Variants in ASTN2 observed in about 807,000 individuals in gnomAD.
The protein encoded by ASTN2 is astrotactin 2, also known as astrotactin-2.
A neutral mutation model predicts 139.8 loss-of-function variants in ASTN2; 54 were observed. That is an observed-to-expected ratio of 0.39 (90% CI 0.31 to 0.48). ASTN2 has a LOEUF of 0.48. Among genes scored for constraint, ASTN2 ranks in the 20% least tolerant of loss-of-function variants. The pLI, the probability that ASTN2 is intolerant of heterozygous loss-of-function variation, is 0.95. For missense variants in ASTN2, 1,565 were observed against 1,725.1 expected, an observed-to-expected ratio of 0.91 and a Z score of 1.64; for synonymous variants, 756 against 719.5, an observed-to-expected ratio of 1.05 and a Z score of -0.81.
chr9:116,779,390 C>A (rs4837854), intron 13 of ASTN2, among the ~76,000 whole-genome samples: 124,596 of 152,088 alleles, frequency 0.82, 51,997 homozygotes, highest in Non-Finnish European at 0.91. Context: ...GAAAAGAGAC[C>A]AAGCCCCTCA....
intron 1 of ASTN2, among the ~76,000 whole-genome samples, chr9:117,406,949 T>C (rs1477010227): frequency 6.6e-6 from 1 of 151,936 alleles, no homozygotes; most frequent in Non-Finnish European, 1.5e-5. Flanking sequence ...TGTCTTTTGT[T>C]CTCTGATGTA....
chr9:116,870,912 C>G (rs1833146270), intron 10 of ASTN2, among the ~76,000 whole-genome samples: 1 of 152,188 alleles, frequency 6.6e-6, no homozygotes, highest in African/African-American at 2.4e-5. Flanking sequence ...TAGCCGACAA[C>G]CTTGTTTCCT....
intron 1 of ASTN2, among the ~76,000 whole-genome samples, chr9:117,330,655 G>C (rs1194067817): frequency 6.6e-6 from 1 of 152,140 alleles, no homozygotes; most frequent in African/African-American, 2.4e-5. Flanking sequence ...TGGAGAGAGA[G>C]AATGTAGCAG....
intron 1 of ASTN2, among the ~76,000 whole-genome samples, chr9:117,369,665 T>C (rs1427979269): frequency 2.0e-5 from 3 of 152,144 alleles, no homozygotes; most frequent in Non-Finnish European, 2.9e-5. Flanking sequence ...AGTCATAATC[T>C]CACTACCAAG....
At chr9:116,808,009 G>A (rs1831071329) in intron 12 of ASTN2, among the ~76,000 whole-genome samples, 1 of 151,820 alleles carries the variant, frequency 6.6e-6, no homozygotes, top group South Asian at 2.1e-4. Flanking sequence ...AGCTACTCAG[G>A]AGGCGGAGGC....
rs1831265428 is a variant in ASTN2 at position 117,414,417 on chromosome 9, C to T, written c.442+80G>A. The T allele has an allele frequency of 6.4e-7, 1 of 1,569,868 alleles. No homozygotes were observed. Among genetic ancestry groups the T allele is most frequent in the Admixed American group, 1.8e-5 (1 of 56,896 alleles). On this transcript the variant is annotated intron_variant, in intron 1 of 22. Coordinates refer to ENST00000313400, the MANE Select transcript of ASTN2 (RefSeq NM_001365068.1). The surrounding 1 kb of genome is among the most constrained non-coding windows in gnomAD (Gnocchi z 4.2). ...CGGGGCAGCCCCGGGCAGGGATCCC[C>T]AGGGCGCCCCCACCCGTCCGGCATG...
chr9:117,387,066 G>T (rs1301371924), intron 1 of ASTN2, among the ~76,000 whole-genome samples: 1 of 152,090 alleles, frequency 6.6e-6, no homozygotes, highest in Non-Finnish European at 1.5e-5. Context: ...GTTGGCTGTG[G>T]ATTAAACAGG....
intron 2 of ASTN2, among the ~76,000 whole-genome samples, chr9:117,252,310 G>A (rs996423432): frequency 6.6e-6 from 1 of 152,192 alleles, no homozygotes; most frequent in African/African-American, 2.4e-5. Flanking sequence ...AAACTAAAAG[G>A]TGGTGGTTTC....
In ASTN2 at chr9:116,686,761, C is replaced by G. The variant is rs149833926; in HGVS notation, c.2807-34968G>C. 9 of 1,550,516 alleles carry G rather than the reference C, an allele frequency of 5.8e-6. No individual in the cohort carries two copies. The African/African-American group carries it at 9.6e-5, about 17-fold the overall frequency. ...CAAGTCTGCCTCTGCTGTCGGCCTC[C>G]CAGCTGAGTAGGCAAAACATTCCTT... On this transcript the variant is annotated intron_variant, in intron 16 of 22. Coordinates refer to ENST00000313400, the MANE Select transcript of ASTN2 (RefSeq NM_001365068.1).
chr9:116,621,346 C>G (rs1302131790), intron 17 of ASTN2, among the ~76,000 whole-genome samples: 1 of 151,928 alleles, frequency 6.6e-6, no homozygotes, highest in Non-Finnish European at 1.5e-5. Flanking sequence ...AGTTTTCTGA[C>G]CTTTGCTCTA....
intron 17 of ASTN2, among the ~76,000 whole-genome samples, chr9:116,645,508 T>C (rs1449813395): frequency 6.6e-6 from 1 of 152,044 alleles, no homozygotes; most frequent in Non-Finnish European, 1.5e-5. Context: ...GGTCCAATGG[T>C]CCCCAAGGCC....
intron 1 of ASTN2, among the ~76,000 whole-genome samples, chr9:117,367,132 C>A (rs1306028699): frequency 6.6e-6 from 1 of 152,142 alleles, no homozygotes; most frequent in Non-Finnish European, 1.5e-5. Flanking sequence ...AGAATAGAGG[C>A]TGTCTTACAT....
chr9:116,880,673 T>C (rs1047213045), intron 10 of ASTN2, among the ~76,000 whole-genome samples: 1 of 152,162 alleles, frequency 6.6e-6, no homozygotes, highest in African/African-American at 2.4e-5. Context: ...TGTGCAAATA[T>C]GCAAATACTG....
At chr9:117,393,650 G>C (rs1830601990) in intron 1 of ASTN2, among the ~76,000 whole-genome samples, 1 of 152,138 alleles carries the variant, frequency 6.6e-6, no homozygotes, top group Non-Finnish European at 1.5e-5. Flanking sequence ...ATGAAAGAAA[G>C]CTCAAACCTG....
At chr9:116,601,655 G>T (rs1241054729) in intron 19 of ASTN2, among the ~76,000 whole-genome samples, 2 of 152,150 alleles carry the variant, frequency 1.3e-5, no homozygotes, top group Admixed American at 6.5e-5. Context: ...AAAGATAACT[G>T]CTTTAAGAAA....
rs1564345706 is a variant in ASTN2 at position 116,530,121 on chromosome 9, AT to A, written c.3356-42622del. On this transcript the variant is annotated intron_variant, in intron 19 of 22. Transcript: ENST00000313400. Reference sequence around the variant, plus strand: ...TATATATATATATATATATATATATATATATATATATATATATATATATATA... The same window carrying A: ...TATATATATATATATATATATATATAATATATATATATATATATATATATA... Among the ~76,000 whole-genome samples, 52 of 46,368 alleles carry A rather than the reference AT, an allele frequency of 1.1e-3. 3 individuals carry two copies. Among genetic ancestry groups the A allele is most frequent in the African/African-American group, 4.9e-3 (50 of 10,184 alleles). 30.4% of individuals were successfully genotyped at this position (46,368 alleles called of 152,430 possible). A position where few individuals can be genotyped will look rare whatever the true frequency, so the allele number is the denominator to read the frequency against.
chr9:117,354,400 G>T (rs1829478605), intron 1 of ASTN2, among the ~76,000 whole-genome samples: 1 of 152,082 alleles, frequency 6.6e-6, no homozygotes, highest in Non-Finnish European at 1.5e-5. Flanking sequence ...CAGGGGCTTT[G>T]CATATGCTAG....
intron 13 of ASTN2, among the ~76,000 whole-genome samples, chr9:116,771,912 G>A (rs1470026084): frequency 6.6e-6 from 1 of 152,166 alleles, no homozygotes; most frequent in Non-Finnish European, 1.5e-5. Context: ...GGAGGGATGA[G>A]GACTCTACAT....
intron 11 of ASTN2, among the ~76,000 whole-genome samples, chr9:116,840,132 C>T (rs1381207733): frequency 6.7e-6 from 1 of 148,266 alleles, no homozygotes; most frequent in African/African-American, 2.5e-5. Flanking sequence ...TCTTGCACCG[C>T]CCTTAATCCA....
Sources: allele counts gnomAD v4.1 joint callset (sites outside exome capture counted in the v4.1 genomes callset), GRCh38; gene constraint gnomAD v4.1.1; non-coding constraint Gnocchi (gnomAD v3.1); transcripts MANE v1.5; gene names NCBI Gene and HGNC (gene_info 2026-07-23, HGNC 2026-07-21).